Variants in UBE2J1 observed in about 807,000 individuals in gnomAD.
The protein encoded by UBE2J1 is ubiquitin-conjugating enzyme E2 J1.
Under a neutral mutation model 42.1 loss-of-function variants are expected in UBE2J1, and 17 were observed. The ratio of observed to expected loss-of-function variants is 0.40; its 90% CI spans 0.28 to 0.61. The LOEUF is 0.61. UBE2J1 is among the 20% of genes least tolerant of loss of function. UBE2J1 has a pLI of 0.38. For synonymous variants in UBE2J1, 127 were observed against 137.2 expected (o/e 0.93, Z 0.52); for missense variants, 291 against 389.4 (o/e 0.75, Z 2.13).
intron 1 of UBE2J1, among the ~76,000 whole-genome samples, chr6:89,348,511 A>G (rs1384469147): frequency 1.3e-5 from 2 of 152,224 alleles, no homozygotes; most frequent in East Asian, 3.8e-4. Flanking sequence ...TAAGGAAGGC[A>G]TGCTCCCTAA....
chr6:89,351,204 G>A (rs1031143149), intron 1 of UBE2J1, among the ~76,000 whole-genome samples: 10 of 144,798 alleles, frequency 6.9e-5, no homozygotes, highest in South Asian at 2.3e-4. Context: ...TCAGCCTCCC[G>A]AGTGGCTGGA....
intron 3 of UBE2J1, among the ~76,000 whole-genome samples, chr6:89,340,601 G>T (rs1381774226): frequency 6.6e-6 from 1 of 152,184 alleles, no homozygotes; most frequent in Non-Finnish European, 1.5e-5. Context: ...CATTTTGACT[G>T]ATGAGAAAAC....
intron 1 of UBE2J1, among the ~76,000 whole-genome samples, chr6:89,345,179 G>C (rs929045267): frequency 6.6e-6 from 1 of 152,182 alleles, no homozygotes; most frequent in Non-Finnish European, 1.5e-5. Context: ...TGAATAGGAA[G>C]AGGTAATAAT....
At position 89,329,722 on chromosome 6, in the gene UBE2J1, C is replaced by T. The variant is rs1767968242; in HGVS notation, c.914G>A (p.Arg305Gln). The T allele has an allele frequency of 5.0e-6, 8 of 1,614,076 alleles. No homozygotes were observed. The highest frequency in any genetic ancestry group is 3.3e-5 in the South Asian group (3 of 91,078). ...TATGTATTCGTTTGCCAGATATATT[C>T]GTCGGAATATAAGAGCTGCCAATGC... ...TLALAALIFR[R>Q]IYLANEYIFD... The change falls in exon 8 of 8, where the codon CGA becomes CAA. Residue 305 changes from arginine (R) to glutamine (Q), a missense_variant. Arg to Gln is a conservative substitution (Grantham distance 43). Coordinates refer to ENST00000435041, the MANE Select transcript of UBE2J1 (RefSeq NM_016021.3).
chr6:89,352,537 AC>A lies in UBE2J1; in HGVS notation c.31+1del. On this transcript the variant is annotated splice_donor_variant, in intron 1 of 7. Coordinates refer to ENST00000435041, the MANE Select transcript of UBE2J1 (RefSeq NM_016021.3). LOFTEE classifies it high-confidence loss of function. Reference sequence around the variant, plus strand: ...TCGCCCAGGGGCCCCAGCCCTGCTCACCCGGACTCTTCAGGTTGTAGCGGGT... The same window carrying A: ...TCGCCCAGGGGCCCCAGCCCTGCTCACCGGACTCTTCAGGTTGTAGCGGGT... The A allele has an allele frequency of 1.3e-6, 2 of 1,569,794 alleles. No individual in the cohort carries two copies. The highest frequency in any genetic ancestry group is 8.6e-7 in the Non-Finnish European group (1 of 1,164,372).
chr6:89,329,976 C>T lies in UBE2J1; in HGVS notation c.679-19G>A, dbSNP rs764281364. On this transcript the variant is annotated intron_variant, in intron 7 of 7. Coordinates refer to ENST00000435041, the MANE Select transcript of UBE2J1 (RefSeq NM_016021.3). ...GTCCGTACTAGGAAATTTTAAGAAA[C>T]TTTGTTTGAAACTGGCAAAGAAGAT... 63 of 1,611,714 alleles carry T rather than the reference C, an allele frequency of 3.9e-5. No homozygotes were observed. The highest frequency in any genetic ancestry group is 1.6e-4 in the Middle Eastern group (1 of 6,072).
chr6:89,343,291 C>T (rs758493688), intron 2 of UBE2J1, among the ~76,000 whole-genome samples: 10 of 151,858 alleles, frequency 6.6e-5, no homozygotes, highest in Non-Finnish European at 8.8e-5. Flanking sequence ...AAAAATTAGC[C>T]GGGCGTGGTG....
intron 1 of UBE2J1, among the ~76,000 whole-genome samples, chr6:89,350,011 G>GACAACTACTGACAA (rs1554201733): frequency 6.6e-6 from 1 of 151,240 alleles, no homozygotes; most frequent in African/African-American, 2.4e-5. Flanking sequence ...CAAGTAGCAT[G>GACAACTACTGACAA]ATCCATAGAC....
intron 1 of UBE2J1, among the ~76,000 whole-genome samples, chr6:89,345,982 C>T (rs1009806661): frequency 6.6e-6 from 1 of 151,762 alleles, no homozygotes; most frequent in Non-Finnish European, 1.5e-5. Context: ...CCTCAACCTC[C>T]CAAGCTCATG....
rs1447884533 is a variant in UBE2J1, at chr6:89,329,644, C to T, written c.*35G>A. On this transcript the variant is annotated 3_prime_UTR_variant, in exon 8 of 8. Transcript: ENST00000435041. ...ACCCAATGCAGAATGTTTAATGAAG[C>T]AGTTGAGTCACAGCTCATAAGTCAC... is the stretch of plus-strand genomic sequence containing the variant. 1.2e-6 allele frequency: 2 copies of T among 1,607,106 alleles called. No individual in the cohort carries two copies. Among genetic ancestry groups the T allele is most frequent in the Admixed American group, 3.4e-5 (2 of 59,528 alleles).
At position 89,328,174 on chromosome 6, in the gene UBE2J1, C is replaced by G. The variant is rs1767941420; in HGVS notation, c.*1505G>C. On this transcript the variant is annotated 3_prime_UTR_variant, in exon 8 of 8. Coordinates refer to ENST00000435041, the MANE Select transcript of UBE2J1 (RefSeq NM_016021.3). Reference sequence around the variant, plus strand: ...ATGTAGAAATAAAGGAAAACTGGCTCTCAGATGAAAACAGAAATTGTGTCT... The same window carrying G: ...ATGTAGAAATAAAGGAAAACTGGCTGTCAGATGAAAACAGAAATTGTGTCT... 6.6e-6 allele frequency: 1 copy of G among 152,124 alleles called. No individual in the cohort carries two copies. The highest frequency in any genetic ancestry group is 2.4e-5 in the African/African-American group (1 of 41,412). The allele number at this position is 152,124 out of a possible 1,614,324, so 9.4% of individuals were successfully genotyped here. A position where few individuals can be genotyped will look rare whatever the true frequency, so the allele number is the denominator to read the frequency against.
chr6:89,335,868 A>G (rs1248078851), intron 5 of UBE2J1, among the ~76,000 whole-genome samples: 1 of 127,674 alleles, frequency 7.8e-6, no homozygotes, highest in Non-Finnish European at 1.7e-5. Flanking sequence ...ATTTCTAGGG[A>G]AAAAAAAACC....
intron 6 of UBE2J1, among the ~76,000 whole-genome samples, chr6:89,334,420 C>T (rs1222999153): frequency 6.6e-6 from 1 of 151,546 alleles, no homozygotes; most frequent in East Asian, 1.9e-4. Context: ...AAAATATTAA[C>T]AGTAGCTATT....
At chr6:89,330,989 T>C (rs1441149743) in intron 7 of UBE2J1, among the ~76,000 whole-genome samples, 1 of 152,200 alleles carries the variant, frequency 6.6e-6, no homozygotes, top group African/African-American at 2.4e-5. Flanking sequence ...TTCAGTGTTT[T>C]TCCCATTTCT....
intron 6 of UBE2J1, 66 bp downstream of exon 6, chr6:89,335,236 C>T: frequency 7.1e-7 from 1 of 1,403,960 alleles, no homozygotes; most frequent in South Asian, 1.6e-5. Context: ...GCTTTCCTTT[C>T]TATGCAGAAT....
chr6:89,335,113 T>C (rs1465391910), intron 6 of UBE2J1, among the ~76,000 whole-genome samples, 189 bp downstream of exon 6: 1 of 152,156 alleles, frequency 6.6e-6, no homozygotes, highest in Non-Finnish European at 1.5e-5. Context: ...TATTAAAACA[T>C]TTCATGTACC....
At chr6:89,350,253 A>C (rs1768445505) in intron 1 of UBE2J1, among the ~76,000 whole-genome samples, 1 of 152,176 alleles carries the variant, frequency 6.6e-6, no homozygotes, top group Non-Finnish European at 1.5e-5. Context: ...TAATCTTTCC[A>C]CTCATACATC....
At position 89,352,662 on chromosome 6, in the gene UBE2J1, G is replaced by A. The variant is rs2127877196; in HGVS notation, c.-93C>T. 1 of 1,385,170 alleles carries A rather than the reference G, an allele frequency of 7.2e-7. No homozygotes were observed. Among genetic ancestry groups the A allele is most frequent in the Non-Finnish European group, 9.5e-7 (1 of 1,056,170 alleles). 85.8% of individuals were successfully genotyped at this position (1,385,170 alleles called of 1,614,324 possible). A position where few individuals can be genotyped will look rare whatever the true frequency, so the allele number is the denominator to read the frequency against. On this transcript the variant is annotated 5_prime_UTR_variant, in exon 1 of 8. Transcript: ENST00000435041. ...GGGTCTCAGCGCGGCTCGGGCGGAC[G>A]GGGCCTGGCCGAGGAGCCTCGGCAA...
intron 1 of UBE2J1, among the ~76,000 whole-genome samples, chr6:89,349,290 G>A (rs77855618): frequency 0.047 from 7,186 of 152,222 alleles, 250 homozygotes; most frequent in Non-Finnish European, 0.067. Context: ...AGGAAGGGCA[G>A]GGTCAATCAT....
Sources: allele counts gnomAD v4.1 joint callset (sites outside exome capture counted in the v4.1 genomes callset), GRCh38; gene constraint gnomAD v4.1.1; transcripts MANE v1.5; gene names NCBI Gene and HGNC (gene_info 2026-07-23, HGNC 2026-07-21).